PDSS1: variants seen among roughly 807,000 people sequenced by gnomAD.
PDSS1 encodes the protein all trans-polyprenyl-diphosphate synthase PDSS1.
A neutral mutation model predicts 57.5 loss-of-function variants in PDSS1; 43 were observed. The observed-to-expected ratio is 0.75, with a 90% CI of 0.59 to 0.96. The LOEUF is 0.96. Ranked by LOEUF, PDSS1 falls within the 50% of genes least tolerant of loss-of-function variation. The pLI, the probability that PDSS1 is intolerant of heterozygous loss-of-function variation, is 0.00. For synonymous variants in PDSS1, 175 were observed against 191.3 expected (o/e 0.91, Z 0.70); for missense variants, 438 against 527.8 (o/e 0.83, Z 1.67).
Position 26,723,804 on chromosome 10 carries a change from A to G in PDSS1, c.610-2A>G, listed in dbSNP as rs761443366. The G allele has an allele frequency of 6.3e-7, 1 of 1,599,012 alleles. No individual in the cohort carries two copies. The highest frequency in any genetic ancestry group is 8.6e-7 in the Non-Finnish European group (1 of 1,166,286). ...TTCTGTTTTCCCCCTGTCTTTTTCT[A>G]GGCTGTTCTTGCTGGAGATTTAATT... On this transcript the variant is annotated splice_acceptor_variant, in intron 6 of 11. Coordinates refer to ENST00000376215, the MANE Select transcript of PDSS1 (RefSeq NM_014317.5). LOFTEE classifies it high-confidence loss of function.
chr10:26,737,816 T>C (rs927590428), intron 10 of PDSS1, among the ~76,000 whole-genome samples: 1 of 151,568 alleles, frequency 6.6e-6, no homozygotes, highest in East Asian at 1.9e-4. Flanking sequence ...CATGGTTTTA[T>C]GTGTGCTTTG....
chr10:26,697,833 G>A lies in PDSS1; in HGVS notation c.122G>A (p.Arg41His). 7.5e-7 allele frequency: 1 copy of A among 1,338,086 alleles called. No homozygotes were observed. Among genetic ancestry groups the A allele is most frequent in the Non-Finnish European group, 9.6e-7 (1 of 1,038,286 alleles). The allele number at this position is 1,338,086 out of a possible 1,614,324, so 82.9% of individuals were successfully genotyped here. ...PLGPSAAAEV[R>H]AQVHRRKGLD... ...GGGCCGAGCGCCGCTGCCGAAGTCC[G>A]CGCGCAGGTGAGGTTGGGAGGCGCG... Residue 41 changes from arginine to histidine, a missense_variant, in exon 1 of 12, where the codon CGC (arginine) becomes CAC (histidine). By Grantham distance (29) the Arg-to-His change is conservative (BLOSUM62 0). Coordinates refer to ENST00000376215, the MANE Select transcript of PDSS1 (RefSeq NM_014317.5).
chr10:26,741,923 A>G (rs531896621), intron 10 of PDSS1, among the ~76,000 whole-genome samples: 95 of 152,146 alleles, frequency 6.2e-4, no homozygotes, highest in African/African-American at 2.2e-3. Flanking sequence ...TGTCCAAGGT[A>G]GAGTGCAATG....
rs1466521892 is a variant in PDSS1 at position 26,710,542 on chromosome 10, G to T, written c.467+774G>T. Among the ~76,000 whole-genome samples, 4 of 84,242 alleles carry T rather than the reference G, an allele frequency of 4.7e-5. 1 individual carries two copies. Among genetic ancestry groups the T allele is most frequent in the Non-Finnish European group, 5.4e-5 (2 of 37,332 alleles). The allele number at this position is 84,242 out of a possible 152,430, so 55.3% of individuals were successfully genotyped here. ...TTTAGTAGAGATGGGGTTTCACCAT[G>T]TTGGCCAGGCTGGTCTCAAACTCCT... On this transcript the variant is annotated intron_variant, in intron 5 of 11. Transcript: ENST00000376215.
chr10:26,700,243 C>A (rs1835004160), intron 1 of PDSS1, among the ~76,000 whole-genome samples: 1 of 151,188 alleles, frequency 6.6e-6, no homozygotes, highest in South Asian at 2.1e-4. Flanking sequence ...TGGACTCAAG[C>A]CATTCCCCCC....
chr10:26,721,654 G>C (rs1034940101), intron 6 of PDSS1, among the ~76,000 whole-genome samples: 2 of 152,154 alleles, frequency 1.3e-5, no homozygotes, highest in Non-Finnish European at 2.9e-5. Context: ...GAGAGGATGT[G>C]GGTAACTCTA....
chr10:26,746,585 T>TA lies in PDSS1; in HGVS notation c.*113dup, dbSNP rs878947835. ...GATAACCAAAAATCATTTTAAAAGATATCAAACTTATTGATGGGCAATTTA... is the reference window on the plus strand; with the variant it reads ...GATAACCAAAAATCATTTTAAAAGATAATCAAACTTATTGATGGGCAATTTA... On this transcript the variant is annotated 3_prime_UTR_variant, in exon 12 of 12. Transcript: ENST00000376215. The TA allele has an allele frequency of 6.9e-6, 8 of 1,157,152 alleles. No homozygotes were observed. The South Asian group carries it at 1.1e-4, about 15-fold the overall frequency. 71.7% of individuals were successfully genotyped at this position (1,157,152 alleles called of 1,614,324 possible).
At chr10:26,730,827 A>G (rs940828562) in intron 8 of PDSS1, among the ~76,000 whole-genome samples, 2 of 152,194 alleles carry the variant, frequency 1.3e-5, no homozygotes, top group Admixed American at 6.5e-5. Flanking sequence ...AGCAAGAAGT[A>G]GTACCCTAGA....
At chr10:26,725,421 ATG>A (rs1306089184) in intron 8 of PDSS1, among the ~76,000 whole-genome samples, 1 of 152,226 alleles carries the variant, frequency 6.6e-6, no homozygotes, top group Non-Finnish European at 1.5e-5. Context: ...ACTTTAAGGA[ATG>A]TGAATTATGT....
Position 26,742,586 on chromosome 10 carries a change from GT to G in PDSS1, c.1107+16del. ...GACAGTATGTACTACAGGTAAGACT[GT>G]TTTTTTAAAAAAAAGGCAGCAGCAG... On this transcript the variant is annotated intron_variant, in intron 11 of 11. Transcript: ENST00000376215. 4 of 1,577,132 alleles carry G rather than the reference GT, an allele frequency of 2.5e-6. No individual in the cohort carries two copies. The highest frequency in any genetic ancestry group is 8.7e-7 in the Non-Finnish European group (1 of 1,147,428).
intron 4 of PDSS1, among the ~76,000 whole-genome samples, chr10:26,707,461 C>T (rs1835270844): frequency 6.6e-6 from 1 of 152,140 alleles, no homozygotes; most frequent in South Asian, 2.1e-4. Context: ...GGAGCCCTCT[C>T]CTGCCCTGCT....
intron 5 of PDSS1, among the ~76,000 whole-genome samples, chr10:26,716,794 A>C (rs1835597545): frequency 6.6e-6 from 1 of 152,184 alleles, no homozygotes; most frequent in South Asian, 2.1e-4. Context: ...AGTACAGAGG[A>C]CGTAGCCAAC....
intron 1 of PDSS1, among the ~76,000 whole-genome samples, chr10:26,700,895 G>C (rs2132205967): frequency 6.6e-6 from 1 of 152,254 alleles, no homozygotes; most frequent in South Asian, 2.1e-4. Context: ...TTGGAACTGG[G>C]TAACAAGCAG....
rs1170737186 is a variant in PDSS1, at chr10:26,724,097, A to G, written c.805A>G (p.Ser269Gly). The G allele has an allele frequency of 1.2e-6, 2 of 1,612,152 alleles. No individual in the cohort carries two copies. Among genetic ancestry groups the G allele is most frequent in the Non-Finnish European group, 1.7e-6 (2 of 1,178,194 alleles). ...TGAGAAGACATTCAAGAAGACCGCCAGCCTGATAGCCAACAGTTGTAAAGC... is the reference window on the plus strand; with the variant it reads ...TGAGAAGACATTCAAGAAGACCGCCGGCCTGATAGCCAACAGTTGTAAAGC... Reference protein sequence around the residue: ...YLEKTFKKTASLIANSCKAVS... With the variant: ...YLEKTFKKTAGLIANSCKAVS... Residue 269 changes from serine to glycine, a missense_variant, in exon 8 of 12, where the codon AGC becomes GGC. Transcript: ENST00000376215.
chr10:26,714,466 CAAAAA>C (rs34696535), intron 5 of PDSS1, among the ~76,000 whole-genome samples: 1 of 122,998 alleles, frequency 8.1e-6, no homozygotes, highest in Non-Finnish European at 1.7e-5. Flanking sequence ...GACTCTGTCT[CAAAAA>C]AAAAAAAAAA....
At chr10:26,724,689 T>C (rs1477330215) in intron 8 of PDSS1, among the ~76,000 whole-genome samples, 1 of 152,190 alleles carries the variant, frequency 6.6e-6, no homozygotes, top group Non-Finnish European at 1.5e-5. Flanking sequence ...GCAATTCTCC[T>C]GCCTCAGCTT....
chr10:26,701,308 G>A (rs1010681679), intron 1 of PDSS1, among the ~76,000 whole-genome samples: 11 of 152,214 alleles, frequency 7.2e-5, no homozygotes, highest in Non-Finnish European at 1.6e-4. Flanking sequence ...ACAAGGAGCC[G>A]AATGTTAATA....
chr10:26,701,894 G>A (rs1431179488), intron 1 of PDSS1: 1 of 453,438 alleles, frequency 2.2e-6, no homozygotes, highest in East Asian at 7.0e-5. Flanking sequence ...ATAGCAGTGG[G>A]GGTTGAACCC....
chr10:26,709,429 C>G (rs1780182), intron 4 of PDSS1, among the ~76,000 whole-genome samples: 5 of 151,734 alleles, frequency 3.3e-5, no homozygotes, highest in African/African-American at 4.8e-5. Context: ...GGCATTGTGG[C>G]GGGTGCTTGT....
Sources: gnomAD v4.1 joint callset for allele counts (sites outside exome capture counted in the v4.1 genomes callset) on GRCh38, gnomAD v4.1.1 for gene constraint, MANE v1.5 for transcripts, NCBI Gene and HGNC (gene_info 2026-07-23, HGNC 2026-07-21) for gene names.